FAM167A: variants seen among roughly 807,000 people sequenced by gnomAD.
FAM167A encodes family with sequence similarity 167 member A, also known as protein FAM167A.
A neutral mutation model predicts 14.9 loss-of-function variants in FAM167A; 23 were observed. The ratio of observed to expected loss-of-function variants is 1.55; its 90% CI spans 1.11 to 2.19. The LOEUF is 2.19. FAM167A is among the 30% of genes most tolerant of loss of function. The pLI is 0.00. For missense variants in FAM167A, 401 were observed against 281.5 expected, an observed-to-expected ratio of 1.42 and a Z score of -3.04; for synonymous variants, 174 against 117.7, an observed-to-expected ratio of 1.48 and a Z score of -3.10.
upstream of FAM167A, among the ~76,000 whole-genome samples, chr8:11,467,193 C>A (rs1323974936): frequency 1.6e-4 from 24 of 152,230 alleles, no homozygotes; most frequent in Admixed American, 1.4e-3. Flanking sequence ...GCCACGCCCC[C>A]CAACGACCCA....
chr8:11,428,176 A>C (rs1209064274), intron 2 of FAM167A, among the ~76,000 whole-genome samples: 1 of 152,178 alleles, frequency 6.6e-6, no homozygotes, highest in African/African-American at 2.4e-5. Flanking sequence ...GATCCTTTGA[A>C]GTCGGGGAAT....
rs1453208352 is a variant in FAM167A at position 11,423,051 on chromosome 8, T to G, written c.*1322A>C. The G allele has an allele frequency of 1.3e-5, 2 of 152,612 alleles. No individual in the cohort carries two copies. Among genetic ancestry groups the G allele is most frequent in the Admixed American group, 6.5e-5 (1 of 15,280 alleles). 9.5% of individuals were successfully genotyped at this position (152,612 alleles called of 1,614,324 possible). On this transcript the variant is annotated 3_prime_UTR_variant, in exon 3 of 3. Transcript: ENST00000284486. ...TCAATAATGGTTTCACACATCAATATTCTATAGCCTAAACAGCTGTGCAAC... is the reference window on the plus strand; with the variant it reads ...TCAATAATGGTTTCACACATCAATAGTCTATAGCCTAAACAGCTGTGCAAC...
chr8:11,460,105 C>T (rs543823974), intron 1 of FAM167A, among the ~76,000 whole-genome samples: 1 of 152,240 alleles, frequency 6.6e-6, no homozygotes. Context: ...AGCTGTGATG[C>T]TGGGGCCACC....
chr8:11,449,876 C>A (rs1181742922), intron 1 of FAM167A, among the ~76,000 whole-genome samples: 1 of 152,230 alleles, frequency 6.6e-6, no homozygotes, highest in African/African-American at 2.4e-5. Context: ...TCAGCCAACA[C>A]CTTGTCTCAT....
At chr8:11,452,573 C>T (rs1807068279) in intron 1 of FAM167A, among the ~76,000 whole-genome samples, 1 of 152,188 alleles carries the variant, frequency 6.6e-6, no homozygotes, top group Non-Finnish European at 1.5e-5. Flanking sequence ...ACCTGCAGCT[C>T]CCTCCCTTCT....
intron 1 of FAM167A, among the ~76,000 whole-genome samples, chr8:11,464,647 G>A (rs554846253): frequency 2.0e-5 from 3 of 152,350 alleles, no homozygotes; most frequent in African/African-American, 4.8e-5. Flanking sequence ...GAAACCAGGA[G>A]CAAAGTGCTC....
intron 2 of FAM167A, among the ~76,000 whole-genome samples, chr8:11,440,762 T>G (rs1806388121): frequency 6.6e-6 from 1 of 152,214 alleles, no homozygotes; most frequent in Admixed American, 6.5e-5. Flanking sequence ...GCCTAACAAA[T>G]CTGTAGGAAG....
chr8:11,457,884 A>G (rs1165982536), intron 1 of FAM167A, among the ~76,000 whole-genome samples: 1 of 152,044 alleles, frequency 6.6e-6, no homozygotes, highest in Non-Finnish European at 1.5e-5. Context: ...ATGACCTTGA[A>G]CTGTGGGAGT....
chr8:11,431,240 A>G (rs1390354400), intron 2 of FAM167A, among the ~76,000 whole-genome samples: 2 of 152,282 alleles, frequency 1.3e-5, no homozygotes, highest in African/African-American at 4.8e-5. Context: ...GGCACATGCC[A>G]TAACATGGAT....
chr8:11,432,570 A>G (rs950330746), intron 2 of FAM167A, among the ~76,000 whole-genome samples: 1 of 152,226 alleles, frequency 6.6e-6, no homozygotes, highest in South Asian at 2.1e-4. Flanking sequence ...AGGAAATAAC[A>G]TGCTGGAGAG....
intron 1 of FAM167A, among the ~76,000 whole-genome samples, chr8:11,459,640 T>C (rs1585278400): frequency 1.3e-5 from 2 of 152,206 alleles, no homozygotes; most frequent in East Asian, 1.9e-4. Flanking sequence ...TAAGGGAAGT[T>C]CTGCCATTAA....
At chr8:11,469,099 T>G (rs1807872796), upstream of FAM167A, among the ~76,000 whole-genome samples, 1 of 152,244 alleles carries the variant, frequency 6.6e-6, no homozygotes, top group Admixed American at 6.5e-5. Flanking sequence ...AGAAAAATAC[T>G]AACGATTTAA....
At chr8:11,440,906 G>A (rs1034637631) in intron 2 of FAM167A, among the ~76,000 whole-genome samples, 3 of 152,210 alleles carry the variant, frequency 2.0e-5, no homozygotes, top group African/African-American at 7.2e-5. Context: ...ATGAATGAGG[G>A]AAACCATGGC....
At chr8:11,453,125 G>C (rs1024046557) in intron 1 of FAM167A, among the ~76,000 whole-genome samples, 3 of 152,194 alleles carry the variant, frequency 2.0e-5, no homozygotes, top group African/African-American at 7.2e-5. Context: ...CCTGCTGCCG[G>C]TTATCCTTCT....
chr8:11,446,131 G>C (rs1806771882), intron 1 of FAM167A, among the ~76,000 whole-genome samples: 1 of 152,110 alleles, frequency 6.6e-6, no homozygotes, highest in African/African-American at 2.4e-5. Context: ...ATTAAGATGA[G>C]GGTGGCAAAA....
chr8:11,433,950 C>G (rs1805802430), intron 2 of FAM167A: 1 of 152,178 alleles, frequency 6.6e-6, no homozygotes, highest in Non-Finnish European at 1.5e-5. Flanking sequence ...CAGTGTTGTG[C>G]AGGAGAATCC....
At chr8:11,448,126 A>G (rs35433745) in intron 1 of FAM167A, among the ~76,000 whole-genome samples, 94,895 of 151,392 alleles carry the variant, frequency 0.63, 29,829 homozygotes, top group East Asian at 0.67. Context: ...ACCAGGAGGC[A>G]GAGGTTGCAG....
At chr8:11,445,595 G>C (rs1020642209) in intron 1 of FAM167A, 3 of 985,388 alleles carry the variant, frequency 3.0e-6, no homozygotes, top group South Asian at 4.7e-5. Flanking sequence ...CTTCAGCTAT[G>C]GGATCTGATG....
rs370483899 is a variant in FAM167A, at chr8:11,453,299, A to G, written c.-397-8491T>C. On this transcript the variant is annotated intron_variant, in intron 1 of 2. Transcript: ENST00000284486. ...ACTGATCTCCTGCCTCAGCCTCCCA[A>G]GTAGCTGGAACTGCAGGCATGTGCC... Among the ~76,000 whole-genome samples the G allele has an allele frequency of 4.6e-5, 7 of 152,356 alleles. No individual in the cohort carries two copies. In the East Asian group the frequency reaches 5.8e-4, roughly 13 times the overall value.
Sources: allele counts gnomAD v4.1 joint callset (sites outside exome capture counted in the v4.1 genomes callset), GRCh38; gene constraint gnomAD v4.1.1; transcripts MANE v1.5; gene names NCBI Gene and HGNC (gene_info 2026-07-23, HGNC 2026-07-21).